Variants in SDC2 observed in about 807,000 individuals in gnomAD.
The protein encoded by SDC2 is syndecan 2.
SDC2 carries 13 observed loss-of-function variants against 22.2 expected under a neutral mutation model. The ratio of observed to expected loss-of-function variants is 0.59; its 90% CI spans 0.38 to 0.93. The LOEUF (loss-of-function observed/expected upper bound fraction) is 0.93. Among genes scored for constraint, SDC2 ranks in the 40% least tolerant of loss-of-function variants. SDC2 has a pLI of 0.00. For synonymous variants in SDC2, 94 were observed against 92.8 expected, an observed-to-expected ratio of 1.01 and a Z score of -0.07; for missense variants, 235 against 246.8, an observed-to-expected ratio of 0.95 and a Z score of 0.32.
At chr8:96,556,189 T>A (rs1226570631) in intron 1 of SDC2, among the ~76,000 whole-genome samples, 1 of 152,178 alleles carries the variant, frequency 6.6e-6, no homozygotes, top group South Asian at 2.1e-4. Flanking sequence ...TATATTCCCC[T>A]CTTTGGGAAT....
At chr8:96,597,874 G>A (rs929922278) in intron 2 of SDC2, among the ~76,000 whole-genome samples, 4 of 152,198 alleles carry the variant, frequency 2.6e-5, no homozygotes, top group Non-Finnish European at 2.9e-5. Flanking sequence ...TTTCTCTGGC[G>A]ATAGGCTAAT....
At chr8:96,524,655 G>GGGT (rs140553168) in intron 1 of SDC2, among the ~76,000 whole-genome samples, 8,033 of 152,196 alleles carry the variant, frequency 0.053, 718 homozygotes, top group African/African-American at 0.18. Flanking sequence ...AATGATTGCA[G>GGGT]GGTGGCTGGC....
At chr8:96,521,787 G>T (rs144100937) in intron 1 of SDC2, among the ~76,000 whole-genome samples, 1 of 152,112 alleles carries the variant, frequency 6.6e-6, no homozygotes, top group African/African-American at 2.4e-5. Context: ...AAATCCAAGC[G>T]TATCACTAAA....
intron 2 of SDC2, among the ~76,000 whole-genome samples, chr8:96,595,705 T>G (rs1018657452): frequency 6.6e-6 from 1 of 152,234 alleles, no homozygotes; most frequent in Non-Finnish European, 1.5e-5. Context: ...GAAACCAGTA[T>G]GCTTAAAGTA....
At chr8:96,582,113 A>G (rs753343290) in intron 1 of SDC2, among the ~76,000 whole-genome samples, 10 of 152,364 alleles carry the variant, frequency 6.6e-5, no homozygotes, top group South Asian at 2.1e-4. Flanking sequence ...GATGGATTTC[A>G]TAATGGGCTC....
chr8:96,515,954 C>G (rs113470366), intron 1 of SDC2, among the ~76,000 whole-genome samples: 237 of 152,256 alleles, frequency 1.6e-3, no homozygotes, highest in African/African-American at 5.4e-3. Context: ...CTGGGACTGG[C>G]CAAAGAACCC....
intron 1 of SDC2, among the ~76,000 whole-genome samples, chr8:96,586,864 A>G: frequency 6.6e-6 from 1 of 152,234 alleles, no homozygotes; most frequent in East Asian, 1.9e-4. Context: ...AGCTTTCTAT[A>G]TAATGAATTA....
At chr8:96,536,709 C>T (rs150968986) in intron 1 of SDC2, among the ~76,000 whole-genome samples, 3 of 152,298 alleles carry the variant, frequency 2.0e-5, no homozygotes, top group Middle Eastern at 6.8e-3. Flanking sequence ...GGCAGAGTCT[C>T]AGTCAGCTCT....
intron 1 of SDC2, among the ~76,000 whole-genome samples, chr8:96,589,928 A>G (rs929353323): frequency 6.6e-6 from 1 of 152,208 alleles, no homozygotes; most frequent in African/African-American, 2.4e-5. Context: ...AGGGGTGGAG[A>G]TAGGAGACAA....
chr8:96,574,270 G>A (rs149565505), intron 1 of SDC2, among the ~76,000 whole-genome samples: 310 of 152,222 alleles, frequency 2.0e-3, no homozygotes, highest in African/African-American at 6.4e-3. Flanking sequence ...ACCCTGGGAT[G>A]GCAGCAGAGC....
At chr8:96,589,617 G>T (rs777892606) in intron 1 of SDC2, among the ~76,000 whole-genome samples, 3 of 152,132 alleles carry the variant, frequency 2.0e-5, no homozygotes, top group Non-Finnish European at 4.4e-5. Context: ...CACCATGTTG[G>T]CCAGGCTGGT....
At chr8:96,499,359 G>C (rs1453533235) in intron 1 of SDC2, among the ~76,000 whole-genome samples, 1 of 152,136 alleles carries the variant, frequency 6.6e-6, no homozygotes, top group African/African-American at 2.4e-5. Context: ...AATGGGGGTG[G>C]GAGTGTGGGG....
In SDC2 at chr8:96,513,369, C is replaced by T. The variant is rs1199609522; in HGVS notation, c.60+19038C>T. On this transcript the variant is annotated intron_variant, in intron 1 of 4. Coordinates refer to ENST00000302190, the MANE Select transcript of SDC2 (RefSeq NM_002998.4). ...AGAGTCTTTGGGATGTGCCTCCTGG[C>T]GTTTGTTGTTTCTCTCCTTTGAGCA... Among the ~76,000 whole-genome samples, 6 of 152,152 alleles carry T rather than the reference C, an allele frequency of 3.9e-5. No homozygotes were observed. The East Asian group carries it at 7.7e-4, about 20-fold the overall frequency.
At chr8:96,554,113 A>G (rs1264425639) in intron 1 of SDC2, among the ~76,000 whole-genome samples, 1 of 152,076 alleles carries the variant, frequency 6.6e-6, no homozygotes. Flanking sequence ...AAGATTCTTA[A>G]TCTGTCTGTC....
intron 1 of SDC2, among the ~76,000 whole-genome samples, chr8:96,585,272 G>A (rs888209842): frequency 5.3e-5 from 8 of 152,162 alleles, no homozygotes; most frequent in African/African-American, 1.7e-4. Flanking sequence ...TTAATTAGTT[G>A]TCTCTGTAAT....
chr8:96,507,385 C>T (rs1474319809), intron 1 of SDC2, among the ~76,000 whole-genome samples: 3 of 152,212 alleles, frequency 2.0e-5, no homozygotes, highest in African/African-American at 7.2e-5. Flanking sequence ...TTACGTTATA[C>T]ATTTAGCATC....
At chr8:96,495,058 T>G (rs1300253559) in intron 1 of SDC2, among the ~76,000 whole-genome samples, 1 of 151,992 alleles carries the variant, frequency 6.6e-6, no homozygotes, top group Non-Finnish European at 1.5e-5. Flanking sequence ...GGGGTGGAGG[T>G]TGCACCGCGG....
At chr8:96,542,698 G>A (rs1813870999) in intron 1 of SDC2, among the ~76,000 whole-genome samples, 1 of 151,430 alleles carries the variant, frequency 6.6e-6, no homozygotes, top group African/African-American at 2.4e-5. Context: ...TGGTTCCCAG[G>A]TGGGAATTCA....
rs748112503 is a variant in SDC2, at chr8:96,494,052, G to C, written c.-220G>C. 16 of 555,662 alleles carry C rather than the reference G, an allele frequency of 2.9e-5. No individual in the cohort carries two copies. Among genetic ancestry groups the C allele is most frequent in the Non-Finnish European group, 5.0e-5 (16 of 319,012 alleles). 34.4% of individuals were successfully genotyped at this position (555,662 alleles called of 1,614,324 possible). A position where few individuals can be genotyped will look rare whatever the true frequency, so the allele number is the denominator to read the frequency against. On this transcript the variant is annotated 5_prime_UTR_variant, in exon 1 of 5. Coordinates refer to ENST00000302190, the MANE Select transcript of SDC2 (RefSeq NM_002998.4). The stretch of plus-strand genomic sequence containing the variant: ...AGTGCAGAAACCAACAAGTGAGAGG[G>C]CGCCGCGTTCCCGGGGCGCAGCTGC...
Sources: allele counts gnomAD v4.1 joint callset (sites outside exome capture counted in the v4.1 genomes callset), GRCh38; gene constraint gnomAD v4.1.1; transcripts MANE v1.5; gene names NCBI Gene and HGNC (gene_info 2026-07-23, HGNC 2026-07-21).